PRKD1: variants seen among roughly 807,000 people sequenced by gnomAD.
The protein encoded by PRKD1 is serine/threonine-protein kinase D1.
PRKD1 carries 63 observed loss-of-function variants against 95.9 expected under a neutral mutation model. The ratio of observed to expected loss-of-function variants is 0.66; its 90% CI spans 0.54 to 0.81. PRKD1 has a LOEUF of 0.81. PRKD1 is among the 30% of genes least tolerant of loss of function. The pLI is 0.00. For synonymous variants in PRKD1, 425 were observed against 423.1 expected, an observed-to-expected ratio of 1.00 and a Z score of -0.05; for missense variants, 1,048 against 1,165.3, an observed-to-expected ratio of 0.90 and a Z score of 1.47.
intron 4 of PRKD1, among the ~76,000 whole-genome samples, chr14:29,646,423 A>AG (rs1391814481): frequency 6.6e-6 from 1 of 152,156 alleles, no homozygotes; most frequent in Admixed American, 6.5e-5. Context: ...AAATCCTTAA[A>AG]GTGAATGGAT....
chr14:29,857,667 A>G (rs1892558203), intron 1 of PRKD1, among the ~76,000 whole-genome samples: 1 of 152,178 alleles, frequency 6.6e-6, no homozygotes, highest in Non-Finnish European at 1.5e-5. Flanking sequence ...GTTCAGTCAA[A>G]CTGCTCCCCT....
At chr14:29,833,528 A>C (rs2139299748) in intron 1 of PRKD1, among the ~76,000 whole-genome samples, 1 of 152,214 alleles carries the variant, frequency 6.6e-6, no homozygotes, top group South Asian at 2.1e-4. Context: ...TGAAATAAAA[A>C]CCATTACTAA....
intron 1 of PRKD1, among the ~76,000 whole-genome samples, chr14:29,910,749 G>A (rs12323413): frequency 1.3e-4 from 20 of 152,236 alleles, no homozygotes; most frequent in South Asian, 1.2e-3. Flanking sequence ...TGGGATACAC[G>A]ATTCCCCCTT....
intron 1 of PRKD1, among the ~76,000 whole-genome samples, chr14:29,803,156 T>G (rs985140665): frequency 4.6e-5 from 7 of 152,114 alleles, no homozygotes; most frequent in African/African-American, 9.7e-5. Flanking sequence ...GGAAAAGGAT[T>G]AAGGATAAGA....
At chr14:29,852,045 A>G (rs1384889330) in intron 1 of PRKD1, among the ~76,000 whole-genome samples, 1 of 152,176 alleles carries the variant, frequency 6.6e-6, no homozygotes, top group African/African-American at 2.4e-5. Flanking sequence ...ACACATGAAC[A>G]TAAAGATAGG....
rs372668793 is a variant in PRKD1 at position 29,880,142 on chromosome 14, C to T, written c.264+47107G>A. ...CCCAAGACCATGGGGAAAATGTCTC[C>T]AGGCCATGTCAGAGACCTTCATGGC... On this transcript the variant is annotated intron_variant, in intron 1 of 17. Transcript: ENST00000331968. Among the ~76,000 whole-genome samples, 142 of 152,258 alleles carry T rather than the reference C, an allele frequency of 9.3e-4. 3 individuals carry two copies. Among genetic ancestry groups the T allele is most frequent in the African/African-American group, 3.3e-3 (137 of 41,558 alleles).
intron 1 of PRKD1, among the ~76,000 whole-genome samples, chr14:29,752,577 T>TTATA (rs141798722): frequency 6.7e-6 from 1 of 150,236 alleles, no homozygotes; most frequent in Admixed American, 6.7e-5. Flanking sequence ...ATATATCTTA[T>TTATA]TATATATATA....
intron 2 of PRKD1, among the ~76,000 whole-genome samples, chr14:29,718,616 A>G (rs1000294200): frequency 2.6e-5 from 4 of 152,310 alleles, no homozygotes; most frequent in Middle Eastern, 3.4e-3. Flanking sequence ...AATGACGTGT[A>G]TTTTCACATT....
chr14:29,645,192 AGAC>A (rs1881047330), intron 4 of PRKD1, among the ~76,000 whole-genome samples: 1 of 152,214 alleles, frequency 6.6e-6, no homozygotes, highest in African/African-American at 2.4e-5. Context: ...AGAGGCAATA[AGAC>A]AACAAGAATA....
chr14:29,609,716 T>TTC (rs113530548), intron 13 of PRKD1, among the ~76,000 whole-genome samples: 35 of 141,486 alleles, frequency 2.5e-4, no homozygotes, highest in East Asian at 4.1e-4. Context: ...ATTTCTTTAT[T>TTC]TTTTTTTTTT....
intron 4 of PRKD1, among the ~76,000 whole-genome samples, chr14:29,655,852 T>C (rs1881802737): frequency 6.6e-6 from 1 of 151,756 alleles, no homozygotes; most frequent in Non-Finnish European, 1.5e-5. Context: ...AGATCCTTTA[T>C]TGAAAAGGTA....
intron 1 of PRKD1, among the ~76,000 whole-genome samples, chr14:29,877,179 A>T (rs1460342629): frequency 2.6e-5 from 4 of 152,164 alleles, no homozygotes; most frequent in Non-Finnish European, 5.9e-5. Flanking sequence ...AAGAAGAAGT[A>T]GGTACACTAC....
chr14:29,801,554 C>T (rs189356266), intron 1 of PRKD1, among the ~76,000 whole-genome samples: 30 of 152,140 alleles, frequency 2.0e-4, no homozygotes, highest in Admixed American at 1.3e-3. Flanking sequence ...TTCTGAACCT[C>T]AATATGCTTA....
chr14:29,584,992 A>C (rs1892869595), intron 16 of PRKD1, among the ~76,000 whole-genome samples: 1 of 152,126 alleles, frequency 6.6e-6, no homozygotes, highest in African/African-American at 2.4e-5. Context: ...CAGATAGAAC[A>C]ATCATTCTGG....
At chr14:29,912,591 C>T (rs577290002) in intron 1 of PRKD1, among the ~76,000 whole-genome samples, 32 of 152,300 alleles carry the variant, frequency 2.1e-4, no homozygotes, top group South Asian at 2.1e-4. Flanking sequence ...AGCAAATATG[C>T]GCTACAGTCC....
At chr14:29,607,669 T>G (rs556969489) in intron 13 of PRKD1, among the ~76,000 whole-genome samples, 2 of 152,200 alleles carry the variant, frequency 1.3e-5, no homozygotes, top group Admixed American at 6.5e-5. Flanking sequence ...TTGTGACTAC[T>G]TCATCTCTTC....
intron 2 of PRKD1, among the ~76,000 whole-genome samples, chr14:29,697,703 AT>A (rs535078647): frequency 2.3e-4 from 35 of 149,656 alleles, no homozygotes; most frequent in Admixed American, 4.7e-4. Flanking sequence ...GTTCCTTTTC[AT>A]TTTTTTTTTG....
chr14:29,606,364 T>C (rs528753583), intron 13 of PRKD1, among the ~76,000 whole-genome samples: 2 of 152,298 alleles, frequency 1.3e-5, no homozygotes, highest in Admixed American at 1.3e-4. Context: ...TTCTCAGAGA[T>C]GCCACTACTG....
chr14:29,920,470 A>G (rs1895061567), intron 1 of PRKD1, among the ~76,000 whole-genome samples: 1 of 152,126 alleles, frequency 6.6e-6, no homozygotes, highest in Admixed American at 6.5e-5. Flanking sequence ...GTTACCATCA[A>G]CACCTATAAG....
Sources: allele counts gnomAD v4.1 joint callset (sites outside exome capture counted in the v4.1 genomes callset), GRCh38; gene constraint gnomAD v4.1.1; transcripts MANE v1.5; gene names NCBI Gene and HGNC (gene_info 2026-07-23, HGNC 2026-07-21).